PCDHGB7: variants seen among roughly 807,000 people sequenced by gnomAD.
The protein encoded by PCDHGB7 is protocadherin gamma-B7.
A neutral mutation model predicts 61.4 loss-of-function variants in PCDHGB7; 37 were observed. The observed-to-expected ratio is 0.60, with a 90% CI of 0.46 to 0.79. PCDHGB7 has a LOEUF of 0.79. PCDHGB7 is among the 30% of genes least tolerant of loss of function. PCDHGB7 has a pLI of 0.00. For synonymous variants in PCDHGB7, 464 were observed against 503.5 expected (o/e 0.92, Z 1.05); for missense variants, 1,166 against 1,202.5 (o/e 0.97, Z 0.45).
chr5:141,470,100 G>A (rs1259251144), intron 1 of PCDHGB7, among the ~76,000 whole-genome samples: 2 of 152,178 alleles, frequency 1.3e-5, no homozygotes, highest in African/African-American at 4.8e-5. Context: ...CTACATTCCA[G>A]TCTGAGCAAC....
Position 141,431,794 on chromosome 5 carries a change from A to C in PCDHGB7, c.2415+11520A>C. On this transcript the variant is annotated intron_variant, in intron 1 of 3. Coordinates refer to ENST00000398594, the MANE Select transcript of PCDHGB7 (RefSeq NM_018927.4). The surrounding 1 kb of genome is among the most constrained non-coding windows in gnomAD (Gnocchi z 4.8). ...TTCTGGACGTGAACGACAATGCCCC[A>C]GAAGTGGTCCTCACCTCTCTCGCCA... 1 of 1,614,260 alleles carries C rather than the reference A, an allele frequency of 6.2e-7. No individual in the cohort carries two copies. Among genetic ancestry groups the C allele is most frequent in the Non-Finnish European group, 8.5e-7 (1 of 1,180,046 alleles).
rs764313049 is a variant in PCDHGB7, at chr5:141,418,041, T to G, written c.182T>G (p.Val61Gly). 36 of 1,613,976 alleles carry G rather than the reference T, an allele frequency of 2.2e-5. No homozygotes were observed. In the Admixed American group the frequency reaches 2.3e-4, roughly 10 times the overall value. The change falls in exon 1 of 4, where the codon GTG becomes GGG. Residue 61 changes from valine (V) to glycine (G), a missense_variant. Physicochemically the swap from Val to Gly is moderately radical, Grantham distance 109. Coordinates refer to ENST00000398594, the MANE Select transcript of PCDHGB7 (RefSeq NM_018927.4). ...AKDLGLSVLD[V>G]SARELRVSAE... Reference sequence around the variant, plus strand: ...GATCTAGGGCTTAGTGTCCTGGATGTGTCGGCTCGCGAGCTGCGAGTGAGC... The same window carrying G: ...GATCTAGGGCTTAGTGTCCTGGATGGGTCGGCTCGCGAGCTGCGAGTGAGC...
intron 1 of PCDHGB7, chr5:141,428,149 G>A (rs1048150182): frequency 8.8e-6 from 14 of 1,586,676 alleles, no homozygotes; most frequent in African/African-American, 1.3e-5. Flanking sequence ...CTGCACACGG[G>A]AACCTGCTGG....
Position 141,418,130 on chromosome 5 carries a change from G to A in PCDHGB7, c.271G>A (p.Asp91Asn). The A allele has an allele frequency of 1.9e-6, 3 of 1,614,106 alleles. No individual in the cohort carries two copies. Among genetic ancestry groups the A allele is most frequent in the Non-Finnish European group, 2.5e-6 (3 of 1,179,914 alleles). The change falls in exon 1 of 4, where the codon GAC (aspartate) becomes AAC (asparagine). Residue 91 changes from aspartate to asparagine, a missense_variant. Physicochemically the swap from Asp to Asn is conservative, Grantham distance 23. Transcript: ENST00000398594. ...GGACTTACTTGTGAAGGACCGAATA[G>A]ACCGTGAGCAAATATGCAAAGAGAG... ...SGDLLVKDRI[D>N]REQICKERRR... is the part of the protein sequence containing the mutation.
chr5:141,431,114 G>T lies in PCDHGB7; in HGVS notation c.2415+10840G>T. On this transcript the variant is annotated intron_variant, in intron 1 of 3. Coordinates refer to ENST00000398594, the MANE Select transcript of PCDHGB7 (RefSeq NM_018927.4). This position sits in a 1 kb window ranked among gnomAD's most constrained non-coding sequence, Gnocchi z 4.8. The stretch of plus-strand genomic sequence containing the variant: ...GGAGGATAAAGTGAAAATATATGGA[G>T]TAGAAGTAGAAGTAAGGGACATTAA... 6.2e-7 allele frequency: 1 copy of T among 1,614,158 alleles called. No individual in the cohort carries two copies.
At chr5:141,475,902 C>T (rs1296545944) in intron 1 of PCDHGB7, 1 of 576,594 alleles carries the variant, frequency 1.7e-6, no homozygotes, top group Non-Finnish European at 3.0e-6. Context: ...GTGCCGCTGT[C>T]GGCCAATGAA....
In PCDHGB7 at chr5:141,431,430, G is replaced by A; in HGVS notation, c.2415+11156G>A. ...GACGGGGGCGACCCGGTGCGCACAG[G>A]CACCGCGCGCATCCGCGTGATGGTT... is the stretch of plus-strand genomic sequence containing the variant. On this transcript the variant is annotated intron_variant, in intron 1 of 3. Coordinates refer to ENST00000398594, the MANE Select transcript of PCDHGB7 (RefSeq NM_018927.4). The surrounding 1 kb of genome is among the most constrained non-coding windows in gnomAD (Gnocchi z 4.8). 1 of 1,613,680 alleles carries A rather than the reference G, an allele frequency of 6.2e-7. No individual in the cohort carries two copies. The highest frequency in any genetic ancestry group is 8.5e-7 in the Non-Finnish European group (1 of 1,180,018).
rs761347005 is a variant in PCDHGB7, at chr5:141,417,873, G to A, written c.14G>A (p.Cys5Tyr). The change falls in exon 1 of 4, where the codon TGC becomes TAC. Residue 5 changes from cysteine (C) to tyrosine (Y), a missense_variant. Physicochemically the swap from Cys to Tyr is radical, Grantham distance 194. Coordinates refer to ENST00000398594, the MANE Select transcript of PCDHGB7 (RefSeq NM_018927.4). MGGS[C>Y]AQRRRAGPRQ... The stretch of plus-strand genomic sequence containing the variant: ...CCCGAGCGAACGATGGGAGGGAGCT[G>A]CGCGCAGAGGCGCCGGGCCGGCCCG... 4.2e-5 allele frequency: 65 copies of A among 1,555,230 alleles called. 2 individuals are homozygous for A. The Middle Eastern group carries it at 6.4e-3, about 152-fold the overall frequency.
At position 141,478,876 on chromosome 5, in the gene PCDHGB7, C is replaced by A. The variant is rs2099482470; in HGVS notation, c.2416-15931C>A. 30 of 1,265,748 alleles carry A rather than the reference C, an allele frequency of 2.4e-5. No individual in the cohort carries two copies. The South Asian group carries it at 4.7e-4, about 20-fold the overall frequency. 78.4% of individuals were successfully genotyped at this position (1,265,748 alleles called of 1,614,324 possible). On this transcript the variant is annotated intron_variant, in intron 1 of 3. Transcript: ENST00000398594. ...CAAGATCTCAGCGATCAGAGTTTAGCTTGGTATCATTTACATTAGGAATAA... is the reference window on the plus strand; with the variant it reads ...CAAGATCTCAGCGATCAGAGTTTAGATTGGTATCATTTACATTAGGAATAA...
intron 1 of PCDHGB7, among the ~76,000 whole-genome samples, chr5:141,438,623 T>C (rs1485045684): frequency 2.3e-4 from 10 of 42,840 alleles, no homozygotes; most frequent in Non-Finnish European, 3.8e-4. Flanking sequence ...TATATATATA[T>C]ATATATATAT....
chr5:141,494,546 G>T (rs984336435), intron 1 of PCDHGB7, among the ~76,000 whole-genome samples: 1 of 152,152 alleles, frequency 6.6e-6, no homozygotes, highest in African/African-American at 2.4e-5. Context: ...GGAGGAAGGG[G>T]CCATTTCTTT....
intron 1 of PCDHGB7, chr5:141,441,988 A>G: frequency 3.7e-6 from 1 of 269,936 alleles, no homozygotes; most frequent in Non-Finnish European, 7.3e-6. Flanking sequence ...ATGCGCACCG[A>G]CGAGGTGCTG....
At chr5:141,478,940 T>C in intron 1 of PCDHGB7, 2 of 584,636 alleles carry the variant, frequency 3.4e-6, no homozygotes, top group South Asian at 2.7e-5. Flanking sequence ...CTTCTAGGAA[T>C]ACAAAAACTA....
intron 1 of PCDHGB7, among the ~76,000 whole-genome samples, chr5:141,435,605 C>T (rs776926758): frequency 1.1e-4 from 17 of 152,134 alleles, no homozygotes; most frequent in Non-Finnish European, 1.9e-4. Flanking sequence ...CTGCTTTTTA[C>T]ATTAAATTCC....
intron 1 of PCDHGB7, among the ~76,000 whole-genome samples, chr5:141,472,102 T>C (rs1231168102): frequency 6.6e-6 from 1 of 152,240 alleles, no homozygotes; most frequent in Non-Finnish European, 1.5e-5. Flanking sequence ...ATTCCCATTT[T>C]ATACATAAAG....
chr5:141,422,259 C>T (rs751340056), intron 1 of PCDHGB7: 2 of 1,565,034 alleles, frequency 1.3e-6, no homozygotes, highest in Non-Finnish European at 1.7e-6. Flanking sequence ...TGAATGATAA[C>T]GCTCCAGAAA....
At position 141,432,436 on chromosome 5, in the gene PCDHGB7, G is replaced by C; in HGVS notation, c.2415+12162G>C. ...TCGTGCTGGACCAGAACGACAATGC[G>C]CCCGAGATCCTGTACCCCGCCCTCC... On this transcript the variant is annotated intron_variant, in intron 1 of 3. Transcript: ENST00000398594. This position sits in a 1 kb window ranked among gnomAD's most constrained non-coding sequence, Gnocchi z 6.0. 1 of 1,614,196 alleles carries C rather than the reference G, an allele frequency of 6.2e-7. No individual in the cohort carries two copies. Among genetic ancestry groups the C allele is most frequent in the Middle Eastern group, 1.6e-4 (1 of 6,062 alleles).
chr5:141,460,467 AG>A (rs1303418429), intron 1 of PCDHGB7, among the ~76,000 whole-genome samples: 1 of 152,114 alleles, frequency 6.6e-6, no homozygotes, highest in African/African-American at 2.4e-5. Flanking sequence ...TTTTTTCCAA[AG>A]GAATATCCAA....
intron 1 of PCDHGB7, among the ~76,000 whole-genome samples, chr5:141,445,902 T>C (rs1022574381): frequency 3.9e-5 from 6 of 152,186 alleles, no homozygotes; most frequent in Non-Finnish European, 8.8e-5. Context: ...TTAAAATATT[T>C]TAAACAAGGC....
Sources: gnomAD v4.1 joint callset for allele counts (sites outside exome capture counted in the v4.1 genomes callset) on GRCh38, gnomAD v4.1.1 for gene constraint, Gnocchi (gnomAD v3.1) non-coding constraint, MANE v1.5 for transcripts, NCBI Gene and HGNC (gene_info 2026-07-23, HGNC 2026-07-21) for gene names.